GPC3: variants seen among roughly 807,000 people sequenced by gnomAD.
The protein encoded by GPC3 is glypican 3.
GPC3 carries 3 observed loss-of-function variants against 34.4 expected under a neutral mutation model. The ratio of observed to expected loss-of-function variants is 0.09; its 90% CI spans 0.04 to 0.23. The LOEUF is 0.23. Ranked by LOEUF, GPC3 falls within the 10% of genes least tolerant of loss-of-function variation. The probability of loss-of-function intolerance (pLI) is 1.00; values close to 1 mark genes in which losing one functional copy is unlikely to be tolerated. For missense variants in GPC3, 351 were observed against 445.6 expected, an observed-to-expected ratio of 0.79 and a Z score of 1.91; for synonymous variants, 177 against 174.0, an observed-to-expected ratio of 1.02 and a Z score of -0.13.
At chrX:133,688,136 T>C (rs921839829) in intron 5 of GPC3, among the ~76,000 whole-genome samples, 4 of 112,445 alleles carry the variant, frequency 3.6e-5, no homozygotes, top group Non-Finnish European at 7.5e-5. Context: ...GACTCTCTAA[T>C]TGAAATTCTC....
At chrX:133,893,839 TTTTGTTTTGTTTTGC>T (rs2076099603) in intron 2 of GPC3, among the ~76,000 whole-genome samples, 1 of 111,473 alleles carries the variant, frequency 9.0e-6, no homozygotes, top group African/African-American at 3.3e-5. Context: ...TTTGTTTGTT[TTTTGTTTTGTTTTGC>T]TTTGTTTTGT....
intron 5 of GPC3, among the ~76,000 whole-genome samples, chrX:133,681,216 GTTAAGGGAGAAACTA>G (rs773820181): frequency 3.0e-4 from 33 of 111,748 alleles, no homozygotes; most frequent in Non-Finnish European, 4.7e-4. Context: ...TCAACAATCT[GTTAAGGGAGAAACTA>G]TTAACTCCAT....
In GPC3 at chrX:133,790,775, A is replaced by T. The variant is rs1003175053; in HGVS notation, c.338-36599T>A. On this transcript the variant is annotated intron_variant, in intron 2 of 7. Transcript: ENST00000370818. Reference sequence around the variant, plus strand: ...TCAGGCTGTAAAGGTCAACTAGAGAAATTCTCCCATCCAATCTCTGAACCA... The same window carrying T: ...TCAGGCTGTAAAGGTCAACTAGAGATATTCTCCCATCCAATCTCTGAACCA... Among the ~76,000 whole-genome samples the T allele has an allele frequency of 6.3e-5, 7 of 111,526 alleles. 1 individual carries two copies. The highest frequency in any genetic ancestry group is 2.0e-4 in the African/African-American group (6 of 30,705).
At chrX:133,720,551 T>C (rs2071354380) in intron 3 of GPC3, among the ~76,000 whole-genome samples, 2 of 112,293 alleles carry the variant, frequency 1.8e-5, no homozygotes, top group African/African-American at 6.5e-5. Context: ...TCCAGCCACA[T>C]GGAACTGTAA....
intron 2 of GPC3, among the ~76,000 whole-genome samples, chrX:133,909,987 T>C (rs1033926402): frequency 8.9e-6 from 1 of 111,859 alleles, no homozygotes; most frequent in East Asian, 2.8e-4. Flanking sequence ...GCAGATACTA[T>C]GCCCAAAATG....
At chrX:133,898,092 G>A (rs751696980) in intron 2 of GPC3, among the ~76,000 whole-genome samples, 3 of 111,405 alleles carry the variant, frequency 2.7e-5, no homozygotes, top group African/African-American at 6.5e-5. Context: ...AGCAACCAGT[G>A]AGTAGATTTG....
At chrX:133,909,112 G>C (rs1279062324) in intron 2 of GPC3, among the ~76,000 whole-genome samples, 2 of 112,380 alleles carry the variant, frequency 1.8e-5, no homozygotes, top group African/African-American at 3.2e-5. Context: ...GTGCTTAGTA[G>C]GGTGCCCTCT....
At chrX:133,629,331 A>G (rs115027061) in intron 6 of GPC3, among the ~76,000 whole-genome samples, 6,981 of 111,656 alleles carry the variant, frequency 0.063, 575 homozygotes, top group African/African-American at 0.21. Flanking sequence ...TGTCCAAAAA[A>G]GGAGTTGGAC....
chrX:133,755,022 A>G lies in GPC3; in HGVS notation c.338-846T>C, dbSNP rs755334283. On this transcript the variant is annotated intron_variant, in intron 2 of 7. Transcript: ENST00000370818. ...CCAATCAGTGTCATTGGTTTGAAAG[A>G]GAAAGTAGTAATGTCACCATCTCAT... Among the ~76,000 whole-genome samples the G allele has an allele frequency of 2.7e-5, 3 of 112,014 alleles. No individual in the cohort carries two copies. The South Asian group carries it at 1.1e-3, about 42-fold the overall frequency.
intron 7 of GPC3, among the ~76,000 whole-genome samples, chrX:133,551,922 A>G (rs1452782281): frequency 8.9e-6 from 1 of 112,419 alleles, no homozygotes; most frequent in African/African-American, 3.2e-5. Flanking sequence ...TTCTTGCCCC[A>G]TAGCCATGCC....
chrX:133,888,229 CA>C (rs2076070447), intron 2 of GPC3, among the ~76,000 whole-genome samples: 1 of 111,014 alleles, frequency 9.0e-6, no homozygotes, highest in Non-Finnish European at 1.9e-5. Context: ...CAGCTTCATC[CA>C]TGTCCCTGCA....
intron 6 of GPC3, among the ~76,000 whole-genome samples, chrX:133,637,653 A>T (rs953581919): frequency 9.0e-6 from 1 of 110,671 alleles, no homozygotes; most frequent in East Asian, 2.8e-4. Context: ...TTAAAATAAA[A>T]TTTTTTTAGA....
intron 2 of GPC3, among the ~76,000 whole-genome samples, chrX:133,855,240 G>T (rs1395467283): frequency 2.7e-5 from 3 of 110,594 alleles, no homozygotes; most frequent in African/African-American, 9.9e-5. Flanking sequence ...ATGGCTCACT[G>T]CAGCCTCAAC....
intron 1 of GPC3, among the ~76,000 whole-genome samples, chrX:133,972,521 G>A (rs949971551): frequency 1.4e-4 from 16 of 112,435 alleles, no homozygotes; most frequent in African/African-American, 4.8e-4. Context: ...ATCTAAGGCA[G>A]CAAAGGCAGT....
chrX:133,952,250 T>C (rs2076396160), intron 2 of GPC3, among the ~76,000 whole-genome samples: 1 of 111,279 alleles, frequency 9.0e-6, no homozygotes, highest in South Asian at 3.8e-4. Context: ...TTCTGTGCCT[T>C]AGATTTCCAT....
In GPC3 at chrX:133,954,839, C is replaced by A. The variant is rs375670696; in HGVS notation, c.176-1628G>T. On this transcript the variant is annotated intron_variant, in intron 1 of 7. Transcript: ENST00000370818. ...CTCTGCTCACAGCAACCTCCACCTC[C>A]CGGGTTCAAGGGATTCTCCTGCCTC... Among the ~76,000 whole-genome samples, 5 of 106,046 alleles carry A rather than the reference C, an allele frequency of 4.7e-5. No individual in the cohort carries two copies. In the East Asian group the frequency reaches 8.8e-4, roughly 19 times the overall value. 92.1% of individuals were successfully genotyped at this position (106,046 alleles called of 115,157 possible).
chrX:133,945,452 C>T (rs1352340752), intron 2 of GPC3, among the ~76,000 whole-genome samples: 1 of 110,870 alleles, frequency 9.0e-6, no homozygotes, highest in East Asian at 2.8e-4. Flanking sequence ...CACTGATTTA[C>T]CCAACTCCCT....
chrX:133,661,294 A>G (rs984222045), intron 6 of GPC3, among the ~76,000 whole-genome samples: 3 of 112,206 alleles, frequency 2.7e-5, no homozygotes, highest in African/African-American at 9.7e-5. Flanking sequence ...TTATGGAAAA[A>G]GTCTGTGTGA....
At chrX:133,677,037 C>A (rs2070890607) in intron 5 of GPC3, among the ~76,000 whole-genome samples, 2 of 111,731 alleles carry the variant, frequency 1.8e-5, no homozygotes, top group African/African-American at 3.3e-5. Flanking sequence ...TTGGGAGCAA[C>A]AGACATTGAA....
Sources: allele counts gnomAD v4.1 joint callset (sites outside exome capture counted in the v4.1 genomes callset), GRCh38; gene constraint gnomAD v4.1.1; transcripts MANE v1.5; gene names NCBI Gene and HGNC (gene_info 2026-07-23, HGNC 2026-07-21).